DGKB: variants seen among roughly 807,000 people sequenced by gnomAD.
DGKB encodes 90 kDa diacylglycerol kinase.
DGKB carries 67 observed loss-of-function variants against 114.3 expected under a neutral mutation model. The observed-to-expected ratio is 0.59, with a 90% confidence interval of 0.48 to 0.72. The LOEUF (loss-of-function observed/expected upper bound fraction) is 0.72, where lower values mean the gene tolerates loss of function less well. Ranked by LOEUF, DGKB falls within the 30% of genes least tolerant of loss-of-function variation. The pLI is 0.00. For missense variants in DGKB, 907 were observed against 975.2 expected, an observed-to-expected ratio of 0.93 and a Z score of 0.93; for synonymous variants, 398 against 323.1, an observed-to-expected ratio of 1.23 and a Z score of -2.49.
At chr7:14,203,658 T>C (rs1477684005) in intron 23 of DGKB, among the ~76,000 whole-genome samples, 1 of 151,956 alleles carries the variant, frequency 6.6e-6, no homozygotes, top group African/African-American at 2.4e-5. Context: ...TGGCATCTTC[T>C]TGAATTTTAT....
At chr7:14,165,658 A>AAT (rs1216734178) in intron 25 of DGKB, among the ~76,000 whole-genome samples, 4 of 152,300 alleles carry the variant, frequency 2.6e-5, no homozygotes, top group African/African-American at 9.6e-5. Flanking sequence ...TATATTTTCC[A>AAT]ATATATATTA....
At chr7:14,376,038 A>C (rs1818430864) in intron 21 of DGKB, among the ~76,000 whole-genome samples, 1 of 152,222 alleles carries the variant, frequency 6.6e-6, no homozygotes, top group South Asian at 2.1e-4. Context: ...AATTGTATAC[A>C]GGTAATCCAG....
intron 23 of DGKB, among the ~76,000 whole-genome samples, chr7:14,325,989 TAGA>T (rs1808637595): frequency 6.6e-6 from 1 of 152,012 alleles, no homozygotes; most frequent in Non-Finnish European, 1.5e-5. Flanking sequence ...CACAAGGAGG[TAGA>T]AAAGTCAGAA....
At chr7:14,574,739 C>T (rs899083038) in intron 19 of DGKB, among the ~76,000 whole-genome samples, 14 of 152,156 alleles carry the variant, frequency 9.2e-5, no homozygotes, top group Non-Finnish European at 1.5e-4. Flanking sequence ...AGACACCATC[C>T]TCTACCCAGC....
chr7:14,951,000 C>A (rs979408361), intron 1 of DGKB, among the ~76,000 whole-genome samples: 6 of 151,848 alleles, frequency 4.0e-5, no homozygotes, highest in African/African-American at 1.5e-4. Flanking sequence ...AGCATATAAT[C>A]ATGTCAATAG....
intron 13 of DGKB, among the ~76,000 whole-genome samples, chr7:14,646,377 A>G (rs1813014165): frequency 6.6e-6 from 1 of 152,192 alleles, no homozygotes; most frequent in Non-Finnish European, 1.5e-5. Context: ...ATTGGAGACC[A>G]TAATACAATA....
intron 21 of DGKB, among the ~76,000 whole-genome samples, chr7:14,450,822 C>T (rs1233941947): frequency 6.6e-6 from 1 of 151,964 alleles, no homozygotes; most frequent in Non-Finnish European, 1.5e-5. Flanking sequence ...AGGAAAAAAG[C>T]ACCTTAGAAT....
intron 14 of DGKB, among the ~76,000 whole-genome samples, chr7:14,624,610 G>T (rs970140868): frequency 2.0e-5 from 3 of 152,164 alleles, no homozygotes; most frequent in African/African-American, 7.2e-5. Flanking sequence ...AGAGATAGCA[G>T]TTGATTAAAT....
At chr7:14,153,901 T>G (rs1003224285) in intron 25 of DGKB, among the ~76,000 whole-genome samples, 1 of 152,052 alleles carries the variant, frequency 6.6e-6, no homozygotes, top group Non-Finnish European at 1.5e-5. Flanking sequence ...ACTTAGTCAA[T>G]GTATTGATTA....
At chr7:14,382,943 G>C (rs1005420909) in intron 21 of DGKB, among the ~76,000 whole-genome samples, 1 of 152,140 alleles carries the variant, frequency 6.6e-6, no homozygotes, top group African/African-American at 2.4e-5. Context: ...TTAAGAAAAG[G>C]ATAAAAATAT....
intron 1 of DGKB, among the ~76,000 whole-genome samples, chr7:14,941,845 C>G (rs1387109585): frequency 6.6e-6 from 1 of 151,972 alleles, no homozygotes; most frequent in Non-Finnish European, 1.5e-5. Flanking sequence ...AGAAGCAAAA[C>G]AGGCATAATA....
At chr7:14,641,609 C>T (rs1323482734) in intron 13 of DGKB, among the ~76,000 whole-genome samples, 1 of 151,866 alleles carries the variant, frequency 6.6e-6, no homozygotes, top group Admixed American at 6.6e-5. Context: ...CGTGGTTATA[C>T]AATAATCCTG....
intron 23 of DGKB, among the ~76,000 whole-genome samples, chr7:14,213,208 T>G (rs1433833565): frequency 6.6e-6 from 1 of 152,142 alleles, no homozygotes; most frequent in African/African-American, 2.4e-5. Context: ...TCATTTTAAT[T>G]AATGCCCAAA....
chr7:14,621,811 C>T (rs1807709712), intron 14 of DGKB, among the ~76,000 whole-genome samples: 2 of 151,890 alleles, frequency 1.3e-5, no homozygotes, highest in South Asian at 4.1e-4. Context: ...TGTAATGATA[C>T]AGATAAAGGG....
At chr7:14,784,392 G>T (rs1453256597) in intron 2 of DGKB, among the ~76,000 whole-genome samples, 1 of 143,522 alleles carries the variant, frequency 7.0e-6, no homozygotes, top group Non-Finnish European at 1.5e-5. Context: ...TTTTGAGCTG[G>T]AGTCTCACTC....
At chr7:14,296,783 T>A (rs1423542716) in intron 23 of DGKB, among the ~76,000 whole-genome samples, 8 of 76,936 alleles carry the variant, frequency 1.0e-4, no homozygotes, top group South Asian at 4.7e-4. Context: ...TTTTTTTTTT[T>A]AAAGATTAAC....
At chr7:14,447,967 A>G (rs893559888) in intron 21 of DGKB, among the ~76,000 whole-genome samples, 1 of 152,260 alleles carries the variant, frequency 6.6e-6, no homozygotes, top group Non-Finnish European at 1.5e-5. Flanking sequence ...CAAGAAACTT[A>G]GACATTTCAA....
At chr7:14,829,465 C>CTGT (rs1846126315) in intron 2 of DGKB, among the ~76,000 whole-genome samples, 2 of 152,098 alleles carry the variant, frequency 1.3e-5, no homozygotes, top group Non-Finnish European at 2.9e-5. Context: ...TTGAAAGAAT[C>CTGT]TGTGACAGGG....
At chr7:14,727,022 G>A (rs1411302697) in intron 5 of DGKB, among the ~76,000 whole-genome samples, 1 of 152,086 alleles carries the variant, frequency 6.6e-6, no homozygotes, top group Non-Finnish European at 1.5e-5. Context: ...GATGGATTTG[G>A]GCCTCTGCAG....
Sources: gnomAD v4.1 joint callset for allele counts (sites outside exome capture counted in the v4.1 genomes callset) on GRCh38, gnomAD v4.1.1 for gene constraint, MANE v1.5 for transcripts, NCBI Gene and HGNC (gene_info 2026-07-23, HGNC 2026-07-21) for gene names.